LINGO2: variants seen among roughly 807,000 people sequenced by gnomAD.
LINGO2 encodes the protein leucine-rich repeat and immunoglobulin-like domain-containing nogo receptor-interacting protein 2.
Under a neutral mutation model 30.6 loss-of-function variants are expected in LINGO2, and 14 were observed. That is an observed-to-expected ratio of 0.46 (90% confidence interval 0.30 to 0.72). The LOEUF is 0.72. LINGO2 is among the 30% of genes least tolerant of loss of function. The pLI, the probability that LINGO2 is intolerant of heterozygous loss-of-function variation, is 0.07. For missense variants in LINGO2, 729 were observed against 751.7 expected (o/e 0.97, Z 0.35); for synonymous variants, 317 against 288.5 (o/e 1.10, Z -1.00).
At chr9:28,626,153 C>A (rs979661344) in intron 1 of LINGO2, among the ~76,000 whole-genome samples, 1 of 152,098 alleles carries the variant, frequency 6.6e-6, no homozygotes, top group Non-Finnish European at 1.5e-5. Flanking sequence ...GTCTTTAACT[C>A]TCACTGCCCT....
the LINGO2 span, among the ~76,000 whole-genome samples, chr9:29,065,781 A>G: frequency 1.3e-5 from 2 of 151,936 alleles, no homozygotes; most frequent in Non-Finnish European, 1.5e-5. Flanking sequence ...TTCCCCATAT[A>G]AGCGGAAATT....
intron 4 of LINGO2, among the ~76,000 whole-genome samples, chr9:28,076,787 TC>T (rs2133199081): frequency 6.6e-6 from 1 of 152,274 alleles, no homozygotes; most frequent in African/African-American, 2.4e-5. Context: ...TCCACTGGCT[TC>T]TGGATTCCAC....
intron 4 of LINGO2, among the ~76,000 whole-genome samples, chr9:28,051,680 T>G (rs572117657): frequency 2.6e-5 from 4 of 152,180 alleles, no homozygotes; most frequent in Non-Finnish European, 4.4e-5. Context: ...TTAAGCTAGA[T>G]TCCAACCACA....
the LINGO2 span, among the ~76,000 whole-genome samples, chr9:28,824,733 T>C: frequency 6.6e-6 from 1 of 152,134 alleles, no homozygotes; most frequent in Non-Finnish European, 1.5e-5. Context: ...CAATATTAGA[T>C]ATGTGGCTCT....
At chr9:28,826,770 T>C in the LINGO2 span, among the ~76,000 whole-genome samples, 13 of 152,190 alleles carry the variant, frequency 8.5e-5, no homozygotes, top group Non-Finnish European at 1.9e-4. Context: ...TAGGATACAA[T>C]GGTTGAGAGT....
chr9:28,438,898 T>C (rs1366523063), intron 2 of LINGO2, among the ~76,000 whole-genome samples: 1 of 116,944 alleles, frequency 8.6e-6, no homozygotes, highest in Non-Finnish European at 1.7e-5. Flanking sequence ...TATATATATT[T>C]ATACATTATA....
At chr9:28,524,199 A>G (rs770189386) in intron 1 of LINGO2, among the ~76,000 whole-genome samples, 6 of 152,166 alleles carry the variant, frequency 3.9e-5, no homozygotes, top group Non-Finnish European at 7.3e-5. Context: ...CTTTAGTACT[A>G]GAACAGTTGG....
chr9:28,663,095 C>T (rs944544091), intron 1 of LINGO2, among the ~76,000 whole-genome samples: 3 of 152,168 alleles, frequency 2.0e-5, no homozygotes, highest in Middle Eastern at 3.4e-3. Context: ...AAAAAGTCAT[C>T]TAAATTCATT....
At chr9:28,440,738 A>G (rs912993260) in intron 2 of LINGO2, among the ~76,000 whole-genome samples, 4 of 152,242 alleles carry the variant, frequency 2.6e-5, no homozygotes, top group African/African-American at 9.6e-5. Flanking sequence ...AACAGAGATC[A>G]CATTAGAATA....
chr9:28,497,397 A>G, intron 1 of LINGO2, among the ~76,000 whole-genome samples: 1 of 151,964 alleles, frequency 6.6e-6, no homozygotes, highest in Admixed American at 6.6e-5. Context: ...TTCTTGCTTC[A>G]TTTCATTCAT....
chr9:28,845,800 T>A, the LINGO2 span, among the ~76,000 whole-genome samples: 4 of 151,666 alleles, frequency 2.6e-5, no homozygotes, highest in Non-Finnish European at 4.4e-5. Flanking sequence ...AAATAAAATG[T>A]TTTAGATAAG....
chr9:28,708,498 T>C, the LINGO2 span, among the ~76,000 whole-genome samples: 1 of 152,066 alleles, frequency 6.6e-6, no homozygotes, highest in Non-Finnish European at 1.5e-5. Context: ...GGCTGATCAG[T>C]TGACTGTACT....
At chr9:28,189,585 GAGGA>G (rs1819713693) in intron 4 of LINGO2, among the ~76,000 whole-genome samples, 1 of 3,562 alleles carries the variant, frequency 2.8e-4, no homozygotes, top group Non-Finnish European at 5.4e-4. Flanking sequence ...GGAAGGGAGG[GAGGA>G]AGGAAGGAAG....
chr9:28,892,755 T>C, the LINGO2 span, among the ~76,000 whole-genome samples: 1 of 152,046 alleles, frequency 6.6e-6, no homozygotes, highest in African/African-American at 2.4e-5. Flanking sequence ...TACTACCCTA[T>C]TGAATATTAT....
At chr9:28,421,580 C>A (rs1255087198) in intron 2 of LINGO2, among the ~76,000 whole-genome samples, 4 of 151,872 alleles carry the variant, frequency 2.6e-5, no homozygotes, top group Admixed American at 2.0e-4. Context: ...GTTTCAGGAC[C>A]AAGGGAGTAC....
intron 4 of LINGO2, among the ~76,000 whole-genome samples, chr9:28,243,544 C>A (rs971414911): frequency 1.7e-4 from 26 of 150,978 alleles, no homozygotes; most frequent in Non-Finnish European, 3.2e-4. Context: ...ATTCAGGATA[C>A]CCATCTCACG....
chr9:29,067,004 G>A, the LINGO2 span, among the ~76,000 whole-genome samples: 1 of 151,612 alleles, frequency 6.6e-6, no homozygotes, highest in Admixed American at 6.6e-5. Flanking sequence ...CTGGAATAAG[G>A]GTAACTATAT....
At chr9:29,088,473 C>A in the LINGO2 span, among the ~76,000 whole-genome samples, 1 of 152,126 alleles carries the variant, frequency 6.6e-6, no homozygotes, top group African/African-American at 2.4e-5. Flanking sequence ...ACCTTAGATA[C>A]CATGCTGCAC....
At chr9:28,047,068 TC>T (rs1310113445) in intron 4 of LINGO2, among the ~76,000 whole-genome samples, 1 of 151,850 alleles carries the variant, frequency 6.6e-6, no homozygotes, top group Non-Finnish European at 1.5e-5. Context: ...ACCCAAACAA[TC>T]CCCATAAGCA....
Sources: gnomAD v4.1 joint callset for allele counts (sites outside exome capture counted in the v4.1 genomes callset) on GRCh38, gnomAD v4.1.1 for gene constraint, MANE v1.5 for transcripts, NCBI Gene and HGNC (gene_info 2026-07-23, HGNC 2026-07-21) for gene names.